The following KCNIP4 variants were observed in gnomAD, a reference collection of about 807,000 sequenced individuals.
The protein encoded by KCNIP4 is Kv channel-interacting protein 4.
KCNIP4 carries 12 observed loss-of-function variants against 34.0 expected under a neutral mutation model. The observed-to-expected ratio is 0.35, with a 90% confidence interval of 0.23 to 0.57. KCNIP4 has a LOEUF of 0.57. Among genes scored for constraint, KCNIP4 ranks in the 20% least tolerant of loss-of-function variants. The pLI is 0.83. For synonymous variants in KCNIP4, 124 were observed against 102.2 expected (o/e 1.21, Z -1.29); for missense variants, 238 against 311.7 (o/e 0.76, Z 1.78).
intron 1 of KCNIP4, among the ~76,000 whole-genome samples, chr4:21,248,963 TCAAC>T (rs1760489047): frequency 1.3e-5 from 2 of 152,080 alleles, no homozygotes; most frequent in Non-Finnish European, 2.9e-5. Context: ...ACCCAAGTGG[TCAAC>T]CAGTAAAAAA....
intron 1 of KCNIP4, among the ~76,000 whole-genome samples, chr4:21,582,776 C>G (rs1301300891): frequency 6.6e-6 from 1 of 151,844 alleles, no homozygotes; most frequent in Admixed American, 6.6e-5. Flanking sequence ...TGCATGCAAA[C>G]AGGACATCTG....
intron 1 of KCNIP4, among the ~76,000 whole-genome samples, chr4:21,088,199 A>G (rs1560710023): frequency 6.6e-6 from 1 of 152,044 alleles, no homozygotes; most frequent in Admixed American, 6.6e-5. Context: ...GAAATCTTAT[A>G]TGATTTCTCA....
At chr4:21,459,268 C>T (rs1729239616) in intron 1 of KCNIP4, among the ~76,000 whole-genome samples, 1 of 152,030 alleles carries the variant, frequency 6.6e-6, no homozygotes, top group Non-Finnish European at 1.5e-5. Context: ...CCAGATCTTA[C>T]CTAACCAGTG....
At chr4:21,408,309 G>A (rs1874342) in intron 1 of KCNIP4, among the ~76,000 whole-genome samples, 27,701 of 152,164 alleles carry the variant, frequency 0.18, 4,884 homozygotes, top group African/African-American at 0.45. Context: ...GTGTCAAGTG[G>A]TTATTGAGGG....
chr4:21,303,868 G>A (rs979086478), intron 1 of KCNIP4: 10 of 1,613,940 alleles, frequency 6.2e-6, no homozygotes, highest in East Asian at 2.2e-5. Flanking sequence ...GCACAATGAC[G>A]ATCAGAACTG....
At chr4:20,778,533 T>C (rs961530432) in intron 3 of KCNIP4, among the ~76,000 whole-genome samples, 2 of 152,170 alleles carry the variant, frequency 1.3e-5, no homozygotes, top group African/African-American at 4.8e-5. Context: ...TCAATGTGAG[T>C]AACCTGATTT....
intron 1 of KCNIP4, among the ~76,000 whole-genome samples, chr4:21,144,616 C>T (rs1339239403): frequency 6.6e-6 from 1 of 152,188 alleles, no homozygotes; most frequent in East Asian, 1.9e-4. Context: ...TATAAAGCTA[C>T]TACTACTTCC....
At chr4:21,614,666 T>C (rs938109438) in intron 1 of KCNIP4, among the ~76,000 whole-genome samples, 3 of 150,474 alleles carry the variant, frequency 2.0e-5, no homozygotes, top group African/African-American at 7.3e-5. Flanking sequence ...ATATATATAA[T>C]TTAAGCTTAT....
chr4:20,809,818 C>G (rs1005121445), intron 3 of KCNIP4, among the ~76,000 whole-genome samples: 9 of 152,174 alleles, frequency 5.9e-5, no homozygotes, highest in African/African-American at 2.2e-4. Context: ...TGCAGCTCAT[C>G]TCAGGAGTCT....
At chr4:21,899,974 TA>T (rs35793169) in intron 1 of KCNIP4, among the ~76,000 whole-genome samples, 5 of 148,708 alleles carry the variant, frequency 3.4e-5, no homozygotes, top group Non-Finnish European at 4.5e-5. Context: ...AAATGAAAAT[TA>T]AAAAAAAAAC....
chr4:21,612,673 T>C (rs1001387226), intron 1 of KCNIP4, among the ~76,000 whole-genome samples: 2 of 152,200 alleles, frequency 1.3e-5, no homozygotes, highest in African/African-American at 4.8e-5. Context: ...GATCAATTAT[T>C]CATTAAATAG....
chr4:21,819,991 T>C (rs1054119800), intron 1 of KCNIP4, among the ~76,000 whole-genome samples: 3 of 152,040 alleles, frequency 2.0e-5, no homozygotes, highest in African/African-American at 7.2e-5. Flanking sequence ...ATATTTAATT[T>C]GATATAGCTA....
chr4:21,831,097 T>A (rs1459571480), intron 1 of KCNIP4, among the ~76,000 whole-genome samples: 1 of 152,106 alleles, frequency 6.6e-6, no homozygotes, highest in Non-Finnish European at 1.5e-5. Context: ...TTTTAAAATA[T>A]CTTGAGACTT....
intron 1 of KCNIP4, among the ~76,000 whole-genome samples, chr4:21,493,007 G>A (rs1732538971): frequency 6.6e-6 from 1 of 152,120 alleles, no homozygotes; most frequent in South Asian, 2.1e-4. Flanking sequence ...GGGCAGGAGA[G>A]GAGCTTATGA....
At chr4:21,712,711 G>T (rs751036408) in intron 1 of KCNIP4, among the ~76,000 whole-genome samples, 1 of 151,968 alleles carries the variant, frequency 6.6e-6, no homozygotes, top group Non-Finnish European at 1.5e-5. Context: ...GGCACCTATA[G>T]CATAGATCAA....
chr4:21,353,542 A>G (rs1370554292), intron 1 of KCNIP4, among the ~76,000 whole-genome samples: 1 of 152,198 alleles, frequency 6.6e-6, no homozygotes, highest in Non-Finnish European at 1.5e-5. Flanking sequence ...GGAAGAAAGG[A>G]TATCAGTGAT....
At chr4:20,760,784 A>G (rs1456485884) in intron 3 of KCNIP4, among the ~76,000 whole-genome samples, 1 of 152,148 alleles carries the variant, frequency 6.6e-6, no homozygotes, top group Non-Finnish European at 1.5e-5. Context: ...TGTGGAAATA[A>G]TGATGACCTC....
At chr4:21,801,928 G>A (rs764073793) in intron 1 of KCNIP4, among the ~76,000 whole-genome samples, 3 of 151,886 alleles carry the variant, frequency 2.0e-5, no homozygotes, top group Non-Finnish European at 2.9e-5. Flanking sequence ...GTAGGAAAGG[G>A]ATAGAGAACA....
chr4:21,584,668 C>CTT (rs1741481930), intron 1 of KCNIP4, among the ~76,000 whole-genome samples: 1 of 152,014 alleles, frequency 6.6e-6, no homozygotes, highest in African/African-American at 2.4e-5. Context: ...ACATGTGGCT[C>CTT]AAGACCATGC....
Sources: gnomAD v4.1 joint callset for allele counts (sites outside exome capture counted in the v4.1 genomes callset) on GRCh38, gnomAD v4.1.1 for gene constraint, MANE v1.5 for transcripts, NCBI Gene and HGNC (gene_info 2026-07-23, HGNC 2026-07-21) for gene names.